The following VTI1B variants were observed in gnomAD, a reference collection of about 807,000 sequenced individuals.
VTI1B encodes vesicle transport through interaction with t-SNAREs 1B.
VTI1B carries 18 observed loss-of-function variants against 28.6 expected under a neutral mutation model. The observed-to-expected ratio is 0.63, with a 90% CI of 0.43 to 0.93. The LOEUF is 0.93. VTI1B is among the 40% of genes least tolerant of loss of function. The pLI, the probability that VTI1B is intolerant of heterozygous loss-of-function variation, is 0.00. For missense variants in VTI1B, 283 were observed against 297.0 expected, an observed-to-expected ratio of 0.95 and a Z score of 0.35; for synonymous variants, 100 against 107.9, an observed-to-expected ratio of 0.93 and a Z score of 0.46.
chr14:67,662,721 T>A (rs1167102103), intron 1 of VTI1B, among the ~76,000 whole-genome samples, 186 bp from the exon 2 acceptor site: 2 of 152,016 alleles, frequency 1.3e-5, no homozygotes, highest in African/African-American at 4.8e-5. Context: ...CTGGCCAACC[T>A]GGTGAAACCC....
chr14:67,653,500 TGAG>T lies in VTI1B; in HGVS notation c.541-5_541-3del. ...CAAGTTTTCACTTGTGTTTACCAGC[TGAG>T]AAGAGAAAATAGTGATTATTTCCCT... is the stretch of plus-strand genomic sequence containing the variant. On this transcript the variant is annotated splice_region_variant and splice_polypyrimidine_tract_variant and intron_variant, in intron 4 of 5. Coordinates refer to ENST00000554659, the MANE Select transcript of VTI1B (RefSeq NM_006370.3). 6.2e-7 allele frequency: 1 copy of T among 1,613,314 alleles called. No homozygotes were observed. Among genetic ancestry groups the T allele is most frequent in the Non-Finnish European group, 8.5e-7 (1 of 1,179,308 alleles).
Position 67,648,394 on chromosome 14 carries a change from A to G in VTI1B, c.*2991T>C. ...ACATGGCTCTTACCAAATTACACTA[A>G]GGTAATAATGAGTAAAAAATTGTAT... On this transcript the variant is annotated 3_prime_UTR_variant, in exon 6 of 6. Transcript: ENST00000554659. The G allele has an allele frequency of 2.3e-6, 1 of 441,656 alleles. No homozygotes were observed. Among genetic ancestry groups the G allele is most frequent in the East Asian group, 3.5e-5 (1 of 28,592 alleles). The allele number at this position is 441,656 out of a possible 1,614,324, so 27.4% of individuals were successfully genotyped here. A position where few individuals can be genotyped will look rare whatever the true frequency, so the allele number is the denominator to read the frequency against.
intron 1 of VTI1B, among the ~76,000 whole-genome samples, chr14:67,667,190 C>T (rs1343273886): frequency 6.6e-6 from 1 of 152,158 alleles, no homozygotes; most frequent in Non-Finnish European, 1.5e-5. Flanking sequence ...GAAAGCCTAC[C>T]TTAATGTTTG....
At chr14:67,653,586 G>A in intron 4 of VTI1B, 88 bp from the exon 5 acceptor site, 1 of 1,176,174 alleles carries the variant, frequency 8.5e-7, no homozygotes, top group African/African-American at 1.5e-5. Context: ...AGGCATTAAG[G>A]GATATATGTT....
At chr14:67,660,067 T>C (rs574789726) in intron 2 of VTI1B, 145 bp from the exon 3 acceptor site, 6 of 805,488 alleles carry the variant, frequency 7.4e-6, no homozygotes, top group African/African-American at 1.7e-5. Flanking sequence ...AGGGACCATG[T>C]CTGGCATGTT....
intron 1 of VTI1B, among the ~76,000 whole-genome samples, chr14:67,665,794 T>G (rs1284349335): frequency 6.6e-6 from 1 of 152,082 alleles, no homozygotes; most frequent in African/African-American, 2.4e-5. Context: ...CCCCTTAATA[T>G]ACACAAGATA....
rs1367601967 is a variant in VTI1B at position 67,648,176 on chromosome 14, C to T, written c.*3209G>A. The T allele has an allele frequency of 6.8e-6, 11 of 1,613,578 alleles. No homozygotes were observed. Among genetic ancestry groups the T allele is most frequent in the Non-Finnish European group, 9.3e-6 (11 of 1,179,778 alleles). On this transcript the variant is annotated 3_prime_UTR_variant, in exon 6 of 6. Coordinates refer to ENST00000554659, the MANE Select transcript of VTI1B (RefSeq NM_006370.3). ...GCATGTATATTGCTGAGGAAATACA[C>T]AATACAGGTATGTAGCAACCAGGTC...
At chr14:67,667,100 A>G (rs2037410743) in intron 1 of VTI1B, among the ~76,000 whole-genome samples, 1 of 152,150 alleles carries the variant, frequency 6.6e-6, no homozygotes, top group Admixed American at 6.5e-5. Context: ...TCTGGGACCA[A>G]CTCTGTCTCC....
chr14:67,659,661 C>T, intron 3 of VTI1B, 70 bp downstream of exon 3: 7 of 1,458,226 alleles, frequency 4.8e-6, no homozygotes, highest in Non-Finnish European at 6.4e-6. Context: ...AATACCCCAA[C>T]AATATAGTTA....
chr14:67,651,943 GTATA>G (rs2037185117), intron 5 of VTI1B, among the ~76,000 whole-genome samples: 1 of 152,168 alleles, frequency 6.6e-6, no homozygotes, highest in East Asian at 1.9e-4. Context: ...TATAAAGGTA[GTATA>G]GGAGCTTAAA....
intron 1 of VTI1B, among the ~76,000 whole-genome samples, chr14:67,673,487 G>A (rs187234201): frequency 5.3e-4 from 81 of 152,152 alleles, no homozygotes; most frequent in African/African-American, 1.9e-3. Flanking sequence ...GGGGATGTTC[G>A]TATCTTTTTC....
intron 5 of VTI1B, among the ~76,000 whole-genome samples, chr14:67,653,011 G>T (rs548906085): frequency 3.3e-5 from 5 of 152,140 alleles, no homozygotes; most frequent in African/African-American, 1.2e-4. Flanking sequence ...GACTGGTCTT[G>T]AACTCCTGAC....
intron 1 of VTI1B, among the ~76,000 whole-genome samples, chr14:67,666,669 C>T (rs1318581418): frequency 6.6e-6 from 1 of 152,158 alleles, no homozygotes; most frequent in East Asian, 1.9e-4. Context: ...CTAGGATGTA[C>T]CTCAGCGATC....
At chr14:67,660,080 C>A in intron 2 of VTI1B, 158 bp from the exon 3 acceptor site, 4 of 734,984 alleles carry the variant, frequency 5.4e-6, no homozygotes, top group Non-Finnish European at 8.6e-6. Flanking sequence ...GGCATGTTCC[C>A]CTCATTCTGA....
chr14:67,671,270 A>G (rs1333436970), intron 1 of VTI1B, among the ~76,000 whole-genome samples: 2 of 152,232 alleles, frequency 1.3e-5, no homozygotes, highest in Non-Finnish European at 2.9e-5. Flanking sequence ...TCACACCTGT[A>G]ATCCTAGCAC....
chr14:67,666,126 C>T (rs777288684), intron 1 of VTI1B, among the ~76,000 whole-genome samples: 1 of 152,226 alleles, frequency 6.6e-6, no homozygotes, highest in Non-Finnish European at 1.5e-5. Context: ...CACTCCTGAT[C>T]CAAGCCAGAC....
intron 1 of VTI1B, among the ~76,000 whole-genome samples, chr14:67,669,865 T>C (rs573541113): frequency 9.2e-5 from 14 of 152,286 alleles, no homozygotes; most frequent in Admixed American, 8.5e-4. Flanking sequence ...TTTAAGAGGC[T>C]GAGGTGGGTG....
Position 67,649,058 on chromosome 14 carries a change from A to C in VTI1B, c.*2327T>G, listed in dbSNP as rs1033322186. Reference sequence around the variant, plus strand: ...GTACTGGTCTAATTCTCAGATCTGCAATCTTAGATGTTGCCAGTGGTCCTT... The same window carrying C: ...GTACTGGTCTAATTCTCAGATCTGCCATCTTAGATGTTGCCAGTGGTCCTT... On this transcript the variant is annotated 3_prime_UTR_variant, in exon 6 of 6. Transcript: ENST00000554659. 6.6e-6 allele frequency: 1 copy of C among 152,198 alleles called. No individual in the cohort carries two copies. Among genetic ancestry groups the C allele is most frequent in the Non-Finnish European group, 1.5e-5 (1 of 68,032 alleles). The allele number at this position is 152,198 out of a possible 1,614,324, so 9.4% of individuals were successfully genotyped here. A position where few individuals can be genotyped will look rare whatever the true frequency, so the allele number is the denominator to read the frequency against.
At chr14:67,656,892 T>C (rs553690966) in intron 3 of VTI1B, among the ~76,000 whole-genome samples, 1 of 152,288 alleles carries the variant, frequency 6.6e-6, no homozygotes, top group South Asian at 2.1e-4. Context: ...TCTGAACTGG[T>C]CCATGTGCCT....
Sources: allele counts gnomAD v4.1 joint callset (sites outside exome capture counted in the v4.1 genomes callset), GRCh38; gene constraint gnomAD v4.1.1; transcripts MANE v1.5; gene names NCBI Gene and HGNC (gene_info 2026-07-23, HGNC 2026-07-21).